HACD1: variants seen among roughly 807,000 people sequenced by gnomAD.
The protein encoded by HACD1 is very-long-chain (3R)-3-hydroxyacyl-CoA dehydratase 1.
A neutral mutation model predicts 32.0 loss-of-function variants in HACD1; 41 were observed. That is an observed-to-expected ratio of 1.28 (90% CI 1.00 to 1.66). The LOEUF (loss-of-function observed/expected upper bound fraction) is 1.66, where lower values mean the gene tolerates loss of function less well. Ranked by LOEUF, HACD1 falls within the 40% of genes most tolerant of loss-of-function variation. The probability of loss-of-function intolerance (pLI) is 0.00; values close to 1 mark genes in which losing one functional copy is unlikely to be tolerated. For synonymous variants in HACD1, 142 were observed against 139.0 expected (o/e 1.02, Z -0.15); for missense variants, 396 against 380.1 (o/e 1.04, Z -0.35).
chr10:17,602,482 G>A (rs1554816631), intron 4 of HACD1, among the ~76,000 whole-genome samples: 2 of 152,088 alleles, frequency 1.3e-5, no homozygotes, highest in African/African-American at 4.8e-5. Context: ...CTCCTGTCAT[G>A]CCTCAATAAA....
rs566484456 is a variant in HACD1, at chr10:17,589,448, A to T, written c.*916T>A. 1 of 152,056 alleles carries T rather than the reference A, an allele frequency of 6.6e-6. No individual in the cohort carries two copies. The highest frequency in any genetic ancestry group is 2.1e-4 in the South Asian group (1 of 4,810). The allele number at this position is 152,056 out of a possible 1,614,324, so 9.4% of individuals were successfully genotyped here. On this transcript the variant is annotated 3_prime_UTR_variant, in exon 7 of 7. Transcript: ENST00000361271. ...CAGGCATGTGTCACCATGCCTGGTTAATTTTTTTTGTTTGTAATTTTTTTA... is the reference window on the plus strand; with the variant it reads ...CAGGCATGTGTCACCATGCCTGGTTTATTTTTTTTGTTTGTAATTTTTTTA...
chr10:17,606,179 A>C (rs1444299757), intron 1 of HACD1, among the ~76,000 whole-genome samples: 3 of 152,112 alleles, frequency 2.0e-5, no homozygotes, highest in Non-Finnish European at 4.4e-5. Flanking sequence ...CAAAAAAAAC[A>C]AGAGAGAGAG....
intron 1 of HACD1, among the ~76,000 whole-genome samples, chr10:17,614,282 ATTG>A (rs1462528820): frequency 6.6e-6 from 1 of 152,072 alleles, no homozygotes; most frequent in Non-Finnish European, 1.5e-5. Flanking sequence ...TATTATTATT[ATTG>A]TTTTATTTTT....
intron 4 of HACD1, 133 bp from the exon 5 acceptor site, chr10:17,599,544 T>G (rs1834040798): frequency 7.4e-7 from 1 of 1,346,186 alleles, no homozygotes; most frequent in East Asian, 2.6e-5. Context: ...TATAGAAAAC[T>G]TAATGCAGTC....
At chr10:17,613,785 A>C (rs1833026361) in intron 1 of HACD1, among the ~76,000 whole-genome samples, 1 of 152,220 alleles carries the variant, frequency 6.6e-6, no homozygotes, top group Admixed American at 6.5e-5. Flanking sequence ...GACCCGGAAA[A>C]CTTCAAAGAG....
intron 4 of HACD1, among the ~76,000 whole-genome samples, chr10:17,601,569 CTCTAGTTAATG>C (rs1443974227): frequency 1.3e-5 from 2 of 152,162 alleles, no homozygotes; most frequent in Non-Finnish European, 2.9e-5. Flanking sequence ...ACCTCCATCT[CTCTAGTTAATG>C]TCTAGTTAAT....
chr10:17,605,527 GAAAA>G (rs200314155), intron 1 of HACD1, among the ~76,000 whole-genome samples: 63 of 126,622 alleles, frequency 5.0e-4, no homozygotes, highest in African/African-American at 1.7e-3. Context: ...TCCATCTCGG[GAAAA>G]AAAAAAAAAA....
At chr10:17,614,991 A>AAGGCCT (rs1833053319) in intron 1 of HACD1, among the ~76,000 whole-genome samples, 1 of 152,088 alleles carries the variant, frequency 6.6e-6, no homozygotes, top group Non-Finnish European at 1.5e-5. Context: ...TGACCTCGTG[A>AAGGCCT]TCCGCCCACC....
chr10:17,616,192 C>A (rs187726761), intron 1 of HACD1, among the ~76,000 whole-genome samples: 3 of 151,956 alleles, frequency 2.0e-5, no homozygotes. Context: ...AGGCATGAAC[C>A]CGGGAGGCGG....
At position 17,617,348 on chromosome 10, in the gene HACD1, C is replaced by A; in HGVS notation, c.-9G>T. 1 of 1,369,078 alleles carries A rather than the reference C, an allele frequency of 7.3e-7. No individual in the cohort carries two copies. 84.8% of individuals were successfully genotyped at this position (1,369,078 alleles called of 1,614,324 possible). On this transcript the variant is annotated 5_prime_UTR_variant, in exon 1 of 7. Coordinates refer to ENST00000361271, the MANE Select transcript of HACD1 (RefSeq NM_014241.4). Reference sequence around the variant, plus strand: ...TCCGTCAGGCGCCCCATGTGCAGCGCGCAGGGGGCTCGGCGCAGCCAGCTC... The same window carrying A: ...TCCGTCAGGCGCCCCATGTGCAGCGAGCAGGGGGCTCGGCGCAGCCAGCTC...
At chr10:17,609,646 C>A (rs1488996166) in intron 1 of HACD1, among the ~76,000 whole-genome samples, 1 of 152,138 alleles carries the variant, frequency 6.6e-6, no homozygotes, top group African/African-American at 2.4e-5. Context: ...AGGATGTGCA[C>A]CAATGGGAAG....
rs782632973 is a variant in HACD1, at chr10:17,603,957, T to C, written c.348A>G (p.Lys116=). The C allele has an allele frequency of 6.2e-7, 1 of 1,610,910 alleles. No individual in the cohort carries two copies. Among genetic ancestry groups the C allele is most frequent in the East Asian group, 2.2e-5 (1 of 44,824 alleles). The change falls in exon 2 of 7, where the codon AAA becomes AAG. Residue 116 remains lysine (K), a synonymous_variant. Coordinates refer to ENST00000361271, the MANE Select transcript of HACD1 (RefSeq NM_014241.4). ...CAAGCAAGGCAAATGTCTGGAAAAATTTAAGTGTCTTCTGAATACTTTTAT... is the reference window on the plus strand; with the variant it reads ...CAAGCAAGGCAAATGTCTGGAAAAACTTAAGTGTCTTCTGAATACTTTTAT... ...GLYKSIQKTL[K]FFQTFALLEI...
At chr10:17,615,724 T>C (rs1554817932) in intron 1 of HACD1, 2 of 366,408 alleles carry the variant, frequency 5.5e-6, no homozygotes, top group Non-Finnish European at 1.1e-5. Flanking sequence ...CCCAGCACAT[T>C]GGGAGGCCGA....
intron 1 of HACD1, among the ~76,000 whole-genome samples, chr10:17,609,803 A>C (rs1398334871): frequency 6.6e-6 from 1 of 151,942 alleles, no homozygotes; most frequent in Non-Finnish European, 1.5e-5. Flanking sequence ...CAACCTGGTG[A>C]AACCCCGTCT....
chr10:17,602,242 G>T (rs1554816604), intron 4 of HACD1, among the ~76,000 whole-genome samples: 1 of 151,914 alleles, frequency 6.6e-6, no homozygotes, highest in Non-Finnish European at 1.5e-5. Flanking sequence ...GCTGATTTTT[G>T]TATTTTTGGT....
intron 1 of HACD1, among the ~76,000 whole-genome samples, chr10:17,604,613 A>G (rs1446400260): frequency 6.6e-6 from 1 of 152,326 alleles, no homozygotes; most frequent in Non-Finnish European, 1.5e-5. Context: ...GAAATAAGCT[A>G]GGCACAAAAG....
rs549361223 is a variant in HACD1 at position 17,616,686 on chromosome 10, G to A, written c.257+397C>T. On this transcript the variant is annotated intron_variant, in intron 1 of 6. Coordinates refer to ENST00000361271, the MANE Select transcript of HACD1 (RefSeq NM_014241.4). The stretch of plus-strand genomic sequence containing the variant: ...AAAAGTCGCGGTGAAATTAACAGGG[G>A]CGAAAACTCTGCCCAGCGATCGCAG... Among the ~76,000 whole-genome samples, 248 of 151,776 alleles carry A rather than the reference G, an allele frequency of 1.6e-3. 1 individual carries two copies. Among genetic ancestry groups the A allele is most frequent in the African/African-American group, 5.8e-3 (241 of 41,370 alleles).
chr10:17,594,302 C>G lies in HACD1; in HGVS notation c.687G>C (p.Lys229Asn). ...GTCTTATTGAAAACATTCCTGTTTTCTTCACATGCGGCAAGGCAGCGTATA... is the reference window on the plus strand; with the variant it reads ...GTCTTATTGAAAACATTCCTGTTTTGTTCACATGCGGCAAGGCAGCGTATA... ...LTIYAALPHV[K>N]KTGMFSIRLP... Residue 229 changes from lysine to asparagine, a missense_variant, in exon 6 of 7, where the codon AAG (lysine) becomes AAC (asparagine). Coordinates refer to ENST00000361271, the MANE Select transcript of HACD1 (RefSeq NM_014241.4). The G allele has an allele frequency of 6.2e-7, 1 of 1,604,624 alleles. No individual in the cohort carries two copies. Among genetic ancestry groups the G allele is most frequent in the Non-Finnish European group, 8.5e-7 (1 of 1,174,870 alleles).
intron 5 of HACD1, among the ~76,000 whole-genome samples, chr10:17,597,343 G>A (rs1554816086): frequency 6.6e-6 from 1 of 152,052 alleles, no homozygotes; most frequent in Non-Finnish European, 1.5e-5. Context: ...TCACCATGTT[G>A]GCCAGGCTGA....
Sources: gnomAD v4.1 joint callset for allele counts (sites outside exome capture counted in the v4.1 genomes callset) on GRCh38, gnomAD v4.1.1 for gene constraint, MANE v1.5 for transcripts, NCBI Gene and HGNC (gene_info 2026-07-23, HGNC 2026-07-21) for gene names.